The following TMEM132C variants were observed in gnomAD, a reference collection of about 807,000 sequenced individuals.
TMEM132C encodes transmembrane protein 132C, also known as protein phosphatase 1, regulatory subunit 152.
A neutral mutation model predicts 61.4 loss-of-function variants in TMEM132C; 29 were observed. That is an observed-to-expected ratio of 0.47 (90% CI 0.35 to 0.64). The LOEUF is 0.64. Among genes scored for constraint, TMEM132C ranks in the 30% least tolerant of loss-of-function variants. The pLI is 0.00. For missense variants in TMEM132C, 1,408 were observed against 1,476.9 expected (o/e 0.95, Z 0.76); for synonymous variants, 656 against 633.1 (o/e 1.04, Z -0.54).
At chr12:128,309,936 A>G (rs1424947122) in intron 1 of TMEM132C, among the ~76,000 whole-genome samples, 1 of 151,982 alleles carries the variant, frequency 6.6e-6, no homozygotes, top group Non-Finnish European at 1.5e-5. Flanking sequence ...GGGTTTCACC[A>G]TGTTTGCCAG....
At chr12:128,273,863 G>T (rs749146743) in intron 1 of TMEM132C, among the ~76,000 whole-genome samples, 7 of 152,056 alleles carry the variant, frequency 4.6e-5, no homozygotes, top group African/African-American at 7.2e-5. Context: ...ATGCACTCAC[G>T]TACCCTAGGT....
intron 2 of TMEM132C, among the ~76,000 whole-genome samples, chr12:128,519,943 C>T (rs1026994775): frequency 6.6e-5 from 10 of 152,190 alleles, no homozygotes; most frequent in African/African-American, 2.2e-4. Flanking sequence ...TTTCAGTAAC[C>T]ACCTAAAACA....
chr12:128,498,647 C>T (rs999193866), intron 2 of TMEM132C, among the ~76,000 whole-genome samples: 5 of 151,972 alleles, frequency 3.3e-5, no homozygotes, highest in African/African-American at 1.2e-4. Context: ...TGCACTCCAG[C>T]CTGAGCAACA....
chr12:128,696,005 C>T lies in TMEM132C; in HGVS notation c.1831C>T (p.Leu611=), dbSNP rs1432946700. The T allele has an allele frequency of 3.2e-6, 5 of 1,551,782 alleles. No individual in the cohort carries two copies. Among genetic ancestry groups the T allele is most frequent in the East Asian group, 4.9e-5 (2 of 40,922 alleles). The change falls in exon 7 of 9, where the codon CTG becomes TTG. Residue 611 remains leucine, a synonymous_variant. Transcript: ENST00000435159. The part of the protein sequence containing the change: ...SPNWQFDITH[L]VADFMKLEEP... The stretch of plus-strand genomic sequence containing the variant: ...TAACTGGCAGTTCGACATCACTCAC[C>T]TGGTGGCAGACTTCATGAAGCTGGA...
intron 3 of TMEM132C, among the ~76,000 whole-genome samples, chr12:128,562,641 G>A (rs371178741): frequency 1.8e-4 from 28 of 152,120 alleles, no homozygotes; most frequent in African/African-American, 4.8e-4. Context: ...ATACTTCACC[G>A]GCTGCCTGGG....
chr12:128,585,361 C>A (rs986888183), intron 3 of TMEM132C, among the ~76,000 whole-genome samples: 2 of 151,836 alleles, frequency 1.3e-5, no homozygotes, highest in Non-Finnish European at 2.9e-5. Context: ...TATGACCCAG[C>A]CATTCTTGCA....
intron 2 of TMEM132C, among the ~76,000 whole-genome samples, chr12:128,495,249 C>T (rs984399769): frequency 3.9e-5 from 6 of 152,006 alleles, no homozygotes; most frequent in Admixed American, 6.6e-5. Flanking sequence ...GAGTGCTTTA[C>T]TTCCAACTAT....
chr12:128,695,145 A>G (rs1157934707), intron 6 of TMEM132C, among the ~76,000 whole-genome samples: 2 of 152,258 alleles, frequency 1.3e-5, no homozygotes, highest in Non-Finnish European at 2.9e-5. Context: ...TATGGTGGTC[A>G]CTAGCACAAG....
intron 1 of TMEM132C, among the ~76,000 whole-genome samples, chr12:128,273,935 G>A (rs899519197): frequency 1.3e-5 from 2 of 152,136 alleles, no homozygotes; most frequent in South Asian, 2.1e-4. Flanking sequence ...AATAAAAATT[G>A]TATTAATGGT....
At chr12:128,355,687 C>T (rs1002365459) in intron 1 of TMEM132C, among the ~76,000 whole-genome samples, 1 of 152,050 alleles carries the variant, frequency 6.6e-6, no homozygotes, top group African/African-American at 2.4e-5. Flanking sequence ...TCCCTTATTC[C>T]CTCCTTTCCT....
Position 128,436,071 on chromosome 12 carries a change from G to A in TMEM132C, c.974+20451G>A, listed in dbSNP as rs113253483. ...GGAAAGGATTCCCTATTTAATAAAT[G>A]GTGCTGGGAAAACTGGCTAGCCATA... On this transcript the variant is annotated intron_variant, in intron 2 of 8. Transcript: ENST00000435159. Among the ~76,000 whole-genome samples, 415 of 152,242 alleles carry A rather than the reference G, an allele frequency of 2.7e-3. 6 individuals are homozygous for A. The highest frequency in any genetic ancestry group is 9.4e-3 in the African/African-American group (391 of 41,546).
chr12:128,286,960 CTA>C (rs1246799321), intron 1 of TMEM132C, among the ~76,000 whole-genome samples: 2 of 152,294 alleles, frequency 1.3e-5, no homozygotes, highest in African/African-American at 4.8e-5. Flanking sequence ...CGAAGAAAAA[CTA>C]TGTTATCTCT....
chr12:128,297,473 G>A (rs754386204), intron 1 of TMEM132C, among the ~76,000 whole-genome samples: 2 of 152,172 alleles, frequency 1.3e-5, no homozygotes, highest in Non-Finnish European at 2.9e-5. Context: ...TCTCTAATAA[G>A]CTTCGCCCTC....
At chr12:128,683,915 A>C (rs896346882) in intron 5 of TMEM132C, among the ~76,000 whole-genome samples, 6 of 152,076 alleles carry the variant, frequency 3.9e-5, no homozygotes, top group Non-Finnish European at 5.9e-5. Context: ...GCAGTGAGCC[A>C]AGATTGCGCC....
chr12:128,337,736 C>T (rs1872827286), intron 1 of TMEM132C, among the ~76,000 whole-genome samples: 1 of 152,144 alleles, frequency 6.6e-6, no homozygotes, highest in African/African-American at 2.4e-5. Flanking sequence ...CTTGCTGTTT[C>T]TTTTCTTTGG....
chr12:128,586,648 T>C (rs57950365), intron 3 of TMEM132C, among the ~76,000 whole-genome samples: 5,420 of 152,322 alleles, frequency 0.036, 347 homozygotes, highest in African/African-American at 0.12. Flanking sequence ...TCTCTCTGTC[T>C]CTCAAAACAA....
chr12:128,667,725 G>A (rs1424582631), intron 4 of TMEM132C, among the ~76,000 whole-genome samples: 1 of 152,104 alleles, frequency 6.6e-6, no homozygotes, highest in Non-Finnish European at 1.5e-5. Flanking sequence ...CAAAGCCAAG[G>A]CCCTTTTTCA....
At chr12:128,527,647 C>T (rs764312229) in intron 2 of TMEM132C, among the ~76,000 whole-genome samples, 3 of 152,020 alleles carry the variant, frequency 2.0e-5, no homozygotes, top group Non-Finnish European at 4.4e-5. Flanking sequence ...GTCTGGTTCC[C>T]ATCAAGTTAG....
chr12:128,623,517 A>T (rs1953986974), intron 4 of TMEM132C, among the ~76,000 whole-genome samples: 1 of 151,904 alleles, frequency 6.6e-6, no homozygotes, highest in South Asian at 2.1e-4. Flanking sequence ...ATAAGATGAT[A>T]TAACTTCAGC....
Sources: gnomAD v4.1 joint callset for allele counts (sites outside exome capture counted in the v4.1 genomes callset) on GRCh38, gnomAD v4.1.1 for gene constraint, MANE v1.5 for transcripts, NCBI Gene and HGNC (gene_info 2026-07-23, HGNC 2026-07-21) for gene names.